The following CALN1 variants were observed in gnomAD, a reference collection of about 807,000 sequenced individuals.
CALN1 encodes the protein calneuron 1, also known as calcium-binding protein 8.
CALN1 carries 17 observed loss-of-function variants against 30.6 expected under a neutral mutation model. That is an observed-to-expected ratio of 0.56 (90% CI 0.38 to 0.83). The LOEUF is 0.83. Ranked by LOEUF, CALN1 falls within the 40% of genes least tolerant of loss-of-function variation. The pLI is 0.00. For missense variants in CALN1, 291 were observed against 354.9 expected (o/e 0.82, Z 1.45); for synonymous variants, 156 against 131.4 (o/e 1.19, Z -1.28).
At chr7:72,293,666 C>G (rs940587585) in intron 2 of CALN1, among the ~76,000 whole-genome samples, 5 of 152,096 alleles carry the variant, frequency 3.3e-5, no homozygotes, top group Non-Finnish European at 7.4e-5. Context: ...TATTTTTTTT[C>G]TATTTTATTC....
rs568219694 is a variant in CALN1, at chr7:72,288,202, T to TA, written c.120-9393dup. Among the ~76,000 whole-genome samples the TA allele has an allele frequency of 1.4e-3, 210 of 152,250 alleles. 1 individual carries two copies. The highest frequency in any genetic ancestry group is 4.4e-3 in the African/African-American group (183 of 41,546). On this transcript the variant is annotated intron_variant, in intron 2 of 6. Coordinates refer to ENST00000395275, the MANE Select transcript of CALN1 (RefSeq NM_031468.4). ...CCATTTCCAAGATGGTGCACTCACA[T>TA]AGCTTTGTTCACGTGAGTTGGGAGC...
chr7:72,405,877 G>A (rs934901311), intron 1 of CALN1, among the ~76,000 whole-genome samples: 4 of 152,128 alleles, frequency 2.6e-5, no homozygotes, highest in African/African-American at 9.7e-5. Flanking sequence ...CCCTTCTCTT[G>A]TCAGGTCCCC....
upstream of CALN1, among the ~76,000 whole-genome samples, chr7:72,415,532 A>T (rs981864361): frequency 2.0e-5 from 3 of 152,256 alleles, no homozygotes; most frequent in Non-Finnish European, 4.4e-5. Context: ...CTGATTTTTT[A>T]AATGCTGGCA....
At chr7:72,338,503 G>GTA (rs1802216652) in intron 2 of CALN1, among the ~76,000 whole-genome samples, 3 of 147,164 alleles carry the variant, frequency 2.0e-5, no homozygotes, top group Non-Finnish European at 4.5e-5. Flanking sequence ...GTGTGTGTGT[G>GTA]TGTGTGTGTG....
At chr7:71,865,285 G>C (rs1791522444) in intron 5 of CALN1, among the ~76,000 whole-genome samples, 1 of 152,090 alleles carries the variant, frequency 6.6e-6, no homozygotes, top group African/African-American at 2.4e-5. Context: ...AGATCTGATT[G>C]TTTAACAATG....
At chr7:72,037,202 G>A (rs1313112561) in intron 4 of CALN1, among the ~76,000 whole-genome samples, 1 of 152,020 alleles carries the variant, frequency 6.6e-6, no homozygotes, top group Admixed American at 6.6e-5. Flanking sequence ...CCAGGCTGGA[G>A]TGCAATGGCG....
intron 2 of CALN1, among the ~76,000 whole-genome samples, chr7:72,356,987 A>G (rs1208424272): frequency 1.3e-5 from 2 of 152,050 alleles, no homozygotes; most frequent in East Asian, 3.9e-4. Context: ...TTTTTAATTC[A>G]GGGCAAGAAG....
chr7:72,114,408 A>G (rs1039289041), intron 3 of CALN1, among the ~76,000 whole-genome samples: 4 of 151,254 alleles, frequency 2.6e-5, no homozygotes, highest in African/African-American at 9.7e-5. Flanking sequence ...CACACTGAGG[A>G]TAGGTGTCTG....
intron 2 of CALN1, among the ~76,000 whole-genome samples, chr7:72,373,546 A>T (rs538509077): frequency 1.3e-5 from 2 of 152,334 alleles, no homozygotes; most frequent in South Asian, 4.1e-4. Flanking sequence ...TCAACACTTT[A>T]TTATAAAATA....
chr7:72,308,521 T>C (rs1799821934), intron 2 of CALN1, among the ~76,000 whole-genome samples: 1 of 152,096 alleles, frequency 6.6e-6, no homozygotes, highest in Admixed American at 6.6e-5. Context: ...TATTTGAAAA[T>C]GTTTGCTGAA....
the CALN1 span, among the ~76,000 whole-genome samples, chr7:72,486,405 T>C: frequency 4.6e-5 from 7 of 152,148 alleles, no homozygotes; most frequent in African/African-American, 1.7e-4. Context: ...GGAGCCTTGT[T>C]CTGTCGCCCA....
chr7:71,851,638 G>T (rs1420033122), intron 5 of CALN1, among the ~76,000 whole-genome samples: 1 of 151,884 alleles, frequency 6.6e-6, no homozygotes, highest in African/African-American at 2.4e-5. Context: ...AAATCCTTTG[G>T]ATAATTGCCC....
chr7:71,866,077 C>T (rs1218130398), intron 5 of CALN1, among the ~76,000 whole-genome samples: 1 of 151,916 alleles, frequency 6.6e-6, no homozygotes. Context: ...ATGATCTTGG[C>T]TCACTGCAAG....
upstream of CALN1, among the ~76,000 whole-genome samples, chr7:72,414,905 T>C (rs895657585): frequency 3.3e-5 from 5 of 152,210 alleles, no homozygotes; most frequent in Non-Finnish European, 7.4e-5. Context: ...TCAACCCCAA[T>C]GTGACTATAT....
At chr7:72,087,494 C>T (rs1423267198) in intron 4 of CALN1, among the ~76,000 whole-genome samples, 1 of 152,108 alleles carries the variant, frequency 6.6e-6, no homozygotes, top group African/African-American at 2.4e-5. Context: ...AACAGATCCA[C>T]CAAAGAGTGT....
intron 5 of CALN1, among the ~76,000 whole-genome samples, chr7:72,014,763 T>C (rs973786974): frequency 1.3e-5 from 2 of 151,758 alleles, no homozygotes; most frequent in African/African-American, 4.8e-5. Context: ...CCAGGCTAAA[T>C]TGATCCTCCC....
At chr7:71,974,244 C>T (rs2129526595) in intron 5 of CALN1, among the ~76,000 whole-genome samples, 1 of 151,916 alleles carries the variant, frequency 6.6e-6, no homozygotes, top group Non-Finnish European at 1.5e-5. Context: ...ATGGCAAAAC[C>T]CTGTGTTTAC....
At chr7:72,046,042 G>A (rs1006920590) in intron 4 of CALN1, among the ~76,000 whole-genome samples, 1 of 150,912 alleles carries the variant, frequency 6.6e-6, no homozygotes, top group Non-Finnish European at 1.5e-5. Context: ...GCCAGGTGCA[G>A]GAGCTCACCC....
intron 2 of CALN1, among the ~76,000 whole-genome samples, chr7:72,316,366 T>TA (rs1800447380): frequency 6.7e-6 from 1 of 149,864 alleles, no homozygotes; most frequent in African/African-American, 2.4e-5. Context: ...AAACCGCAAT[T>TA]ACTTTTGCAC....
Sources: gnomAD v4.1 joint callset for allele counts (sites outside exome capture counted in the v4.1 genomes callset) on GRCh38, gnomAD v4.1.1 for gene constraint, MANE v1.5 for transcripts, NCBI Gene and HGNC (gene_info 2026-07-23, HGNC 2026-07-21) for gene names.